Variants in TBCK observed in about 807,000 individuals in gnomAD.
TBCK encodes the protein TBC domain-containing protein kinase-like protein.
TBCK carries 99 observed loss-of-function variants against 113.4 expected under a neutral mutation model. That is an observed-to-expected ratio of 0.87 (90% CI 0.74 to 1.03). The LOEUF (loss-of-function observed/expected upper bound fraction) is 1.03. Among genes scored for constraint, TBCK ranks in the 50% least tolerant of loss-of-function variants. TBCK has a pLI of 0.00. For missense variants in TBCK, 1,045 were observed against 1,061.3 expected (o/e 0.98, Z 0.21); for synonymous variants, 369 against 370.8 (o/e 1.00, Z 0.05).
Position 106,230,380 on chromosome 4 carries a change from T to C in TBCK, c.1757A>G (p.Asn586Ser). 1.3e-6 allele frequency: 2 copies of C among 1,598,436 alleles called. No homozygotes were observed. The highest frequency in any genetic ancestry group is 1.7e-6 in the Non-Finnish European group (2 of 1,168,936). Residue 586 changes from asparagine (N) to serine (S), a missense_variant, in exon 19 of 26, where the codon AAC becomes AGC. By Grantham distance (46) the Asn-to-Ser change is conservative. Transcript: ENST00000394708. ...TTGCTTACCTTGTATTACATGTGAGTTGTCTTTTAAGAAGAAGTTATACAG... is the reference window on the plus strand; with the variant it reads ...TTGCTTACCTTGTATTACATGTGAGCTGTCTTTTAAGAAGAAGTTATACAG... ...KYLYNFFLKD[N>S]SHVIQEYLTV... is the part of the protein sequence containing the mutation.
At chr4:106,175,397 A>T (rs1751544524) in intron 22 of TBCK, among the ~76,000 whole-genome samples, 1 of 146,382 alleles carries the variant, frequency 6.8e-6, no homozygotes, top group Non-Finnish European at 1.5e-5. Flanking sequence ...GGGGTTAGTG[A>T]CTGGTGGATT....
intron 10 of TBCK, among the ~76,000 whole-genome samples, chr4:106,246,125 C>T (rs1711809257): frequency 6.6e-6 from 1 of 152,230 alleles, no homozygotes; most frequent in Middle Eastern, 3.4e-3. Flanking sequence ...TCCTTGATGT[C>T]CCAGACAGAA....
At chr4:106,143,913 TAA>T (rs561608123) in intron 23 of TBCK, among the ~76,000 whole-genome samples, 19 of 114,464 alleles carry the variant, frequency 1.7e-4, no homozygotes, top group Admixed American at 2.8e-4. Context: ...AAACTCTGTC[TAA>T]AAAAAAAAAA....
chr4:106,247,376 T>A, intron 9 of TBCK, 89 bp from the exon 10 acceptor site: 1 of 1,220,502 alleles, frequency 8.2e-7, no homozygotes, highest in Non-Finnish European at 1.2e-6. Flanking sequence ...TGGATAAAAG[T>A]CTTAAATACC....
intron 19 of TBCK, among the ~76,000 whole-genome samples, chr4:106,217,086 C>G (rs1163647699): frequency 6.6e-6 from 1 of 151,214 alleles, no homozygotes; most frequent in African/African-American, 2.4e-5. Context: ...TAAATGTAAT[C>G]CAGCATATAA....
chr4:106,222,039 A>G (rs1412445348), intron 19 of TBCK, among the ~76,000 whole-genome samples: 1 of 152,180 alleles, frequency 6.6e-6, no homozygotes, highest in East Asian at 1.9e-4. Context: ...CTTCAAAAAT[A>G]GTGTTTTCTA....
At chr4:106,260,136 C>CTTGCCTTAAG (rs1214697331) in intron 5 of TBCK, among the ~76,000 whole-genome samples, 1 of 151,852 alleles carries the variant, frequency 6.6e-6, no homozygotes, top group East Asian at 1.9e-4. Context: ...AGTCATCCTT[C>CTTGCCTTAAG]TTGCCTTAAG....
At chr4:106,170,946 A>G (rs1037299285) in intron 23 of TBCK, 149 bp downstream of exon 23, 1 of 617,404 alleles carries the variant, frequency 1.6e-6, no homozygotes, top group Admixed American at 3.9e-5. Flanking sequence ...GTTTTCTGGA[A>G]TATTTCTATG....
chr4:106,240,200 A>G (rs1163081121), intron 12 of TBCK, among the ~76,000 whole-genome samples: 1 of 152,116 alleles, frequency 6.6e-6, no homozygotes, highest in Non-Finnish European at 1.5e-5. Context: ...AACAAAACTT[A>G]TAACTAAGAA....
chr4:106,237,513 C>A (rs1336867496), intron 12 of TBCK: 1 of 455,790 alleles, frequency 2.2e-6, no homozygotes. Flanking sequence ...TGTTCAACTT[C>A]CAACTTGAAG....
chr4:106,259,068 CTATCT>C (rs1762262846), intron 5 of TBCK, among the ~76,000 whole-genome samples: 1 of 151,808 alleles, frequency 6.6e-6, no homozygotes. Flanking sequence ...GGACAGAAAG[CTATCT>C]TATTTATTTT....
intron 25 of TBCK, among the ~76,000 whole-genome samples, chr4:106,088,866 C>T (rs545230470): frequency 4.7e-4 from 72 of 152,126 alleles, no homozygotes; most frequent in African/African-American, 1.6e-3. Context: ...CTCACAAATG[C>T]GAGTTGAACA....
chr4:106,124,205 C>T (rs950557063), intron 23 of TBCK, among the ~76,000 whole-genome samples: 1 of 152,200 alleles, frequency 6.6e-6, no homozygotes, highest in African/African-American at 2.4e-5. Context: ...TGAACAGACA[C>T]TTCTCAAAAG....
At chr4:106,271,729 G>C (rs965954449) in intron 3 of TBCK, among the ~76,000 whole-genome samples, 3 of 150,178 alleles carry the variant, frequency 2.0e-5, no homozygotes, top group Admixed American at 6.6e-5. Context: ...TCCAATCTGG[G>C]CGATAGAGCA....
At chr4:106,241,162 T>A (rs1001298675) in intron 12 of TBCK, among the ~76,000 whole-genome samples, 6 of 151,802 alleles carry the variant, frequency 4.0e-5, no homozygotes, top group Admixed American at 2.6e-4. Context: ...ATATATATAT[T>A]CTATATACAA....
At chr4:106,177,399 A>G (rs1723277829) in intron 22 of TBCK, among the ~76,000 whole-genome samples, 2 of 151,860 alleles carry the variant, frequency 1.3e-5, no homozygotes, top group African/African-American at 4.8e-5. Context: ...TCTGACCTCA[A>G]AAATCCTTGC....
chr4:106,203,190 A>G (rs1755076812), intron 20 of TBCK, among the ~76,000 whole-genome samples: 1 of 151,836 alleles, frequency 6.6e-6, no homozygotes, highest in African/African-American at 2.4e-5. Context: ...TATTTGAAAT[A>G]CGGAATCAGT....
At chr4:106,052,809 C>A (rs533713715) in intron 25 of TBCK, among the ~76,000 whole-genome samples, 94 of 151,596 alleles carry the variant, frequency 6.2e-4, no homozygotes, top group African/African-American at 2.2e-3. Flanking sequence ...GCTGCTAGGT[C>A]CCCAACACTC....
intron 25 of TBCK, among the ~76,000 whole-genome samples, chr4:106,094,195 C>T (rs151169866): frequency 6.6e-6 from 1 of 152,282 alleles, no homozygotes; most frequent in East Asian, 1.9e-4. Flanking sequence ...TTCATACACA[C>T]TCGCTCTAGG....
Sources: gnomAD v4.1 joint callset for allele counts (sites outside exome capture counted in the v4.1 genomes callset) on GRCh38, gnomAD v4.1.1 for gene constraint, MANE v1.5 for transcripts, NCBI Gene and HGNC (gene_info 2026-07-23, HGNC 2026-07-21) for gene names.